The following LSAMP variants were observed in gnomAD, a reference collection of about 807,000 sequenced individuals.
The protein encoded by LSAMP is limbic system associated membrane protein, also known as limbic system-associated membrane protein.
Under a neutral mutation model 38.6 loss-of-function variants are expected in LSAMP, and 7 were observed. That is an observed-to-expected ratio of 0.18 (90% CI 0.10 to 0.34). The LOEUF is 0.34. Among genes scored for constraint, LSAMP ranks in the 10% least tolerant of loss-of-function variants. The pLI, the probability that LSAMP is intolerant of heterozygous loss-of-function variation, is 1.00. For missense variants in LSAMP, 313 were observed against 420.0 expected, an observed-to-expected ratio of 0.75 and a Z score of 2.23; for synonymous variants, 154 against 166.8, an observed-to-expected ratio of 0.92 and a Z score of 0.59.
At chr3:115,909,246 A>G (rs1470349896) in intron 3 of LSAMP, among the ~76,000 whole-genome samples, 1 of 152,122 alleles carries the variant, frequency 6.6e-6, no homozygotes, top group Non-Finnish European at 1.5e-5. Context: ...CCACGTTTTG[A>G]TTCTAGAGTT....
At chr3:115,816,631 A>C in intron 6 of LSAMP, 1 of 1,287,314 alleles carries the variant, frequency 7.8e-7, no homozygotes, top group African/African-American at 1.5e-5. Context: ...CTTGAAGTGC[A>C]CGGTGGTACC....
intron 1 of LSAMP, among the ~76,000 whole-genome samples, chr3:116,373,821 C>T (rs559045899): frequency 1.3e-5 from 2 of 151,852 alleles, no homozygotes; most frequent in Non-Finnish European, 2.9e-5. Flanking sequence ...TTCCCACACA[C>T]CCCAAAGCAA....
intron 2 of LSAMP, among the ~76,000 whole-genome samples, chr3:116,057,951 A>C (rs577265248): frequency 0.082 from 9,434 of 115,228 alleles, 936 homozygotes; most frequent in African/African-American, 0.26. Flanking sequence ...ACACACACAC[A>C]CACACCCACA....
intron 3 of LSAMP, among the ~76,000 whole-genome samples, chr3:115,914,195 C>T (rs1452877356): frequency 5.3e-5 from 8 of 152,278 alleles, no homozygotes; most frequent in Non-Finnish European, 5.9e-5. Flanking sequence ...GCCCTCTTTG[C>T]GTCGATGTTG....
At chr3:115,933,552 T>C (rs1937615396) in intron 3 of LSAMP, among the ~76,000 whole-genome samples, 3 of 152,194 alleles carry the variant, frequency 2.0e-5, no homozygotes, top group Non-Finnish European at 2.9e-5. Context: ...ACCCGTAACA[T>C]GAGCAGGCAC....
intron 1 of LSAMP, among the ~76,000 whole-genome samples, chr3:116,159,473 T>C (rs1709831172): frequency 6.6e-6 from 1 of 152,104 alleles, no homozygotes; most frequent in South Asian, 2.1e-4. Context: ...AAATAAGACA[T>C]ATATGTGGCC....
intron 3 of LSAMP, among the ~76,000 whole-genome samples, chr3:115,885,472 G>A (rs918430395): frequency 6.6e-6 from 1 of 151,900 alleles, no homozygotes; most frequent in African/African-American, 2.4e-5. Context: ...TAGAAGACTA[G>A]TGGGGAAGCT....
chr3:116,331,009 T>G (rs969451333), intron 1 of LSAMP, among the ~76,000 whole-genome samples: 1 of 152,006 alleles, frequency 6.6e-6, no homozygotes, highest in African/African-American at 2.4e-5. Flanking sequence ...TTTAGGAAGA[T>G]GTGGAGAAAG....
intron 3 of LSAMP, among the ~76,000 whole-genome samples, chr3:115,856,910 T>C (rs1389099709): frequency 6.6e-6 from 1 of 152,240 alleles, no homozygotes; most frequent in Non-Finnish European, 1.5e-5. Flanking sequence ...AGAGTCATTG[T>C]CAGCACTTCA....
chr3:116,047,906 C>T (rs143109349), intron 2 of LSAMP, among the ~76,000 whole-genome samples: 308 of 152,254 alleles, frequency 2.0e-3, no homozygotes, highest in African/African-American at 7.3e-3. Context: ...ACTTAACATC[C>T]ACTATCTTTG....
chr3:116,077,466 A>G (rs765810882), intron 2 of LSAMP, among the ~76,000 whole-genome samples: 1 of 152,062 alleles, frequency 6.6e-6, no homozygotes, highest in Non-Finnish European at 1.5e-5. Context: ...AGTATATTTT[A>G]TTCATACATT....
Position 115,852,632 on chromosome 3 carries a change from T to C in LSAMP, c.515-15A>G. ...AAATTCCCTTCCTGAAAAACAGAGG[T>C]TTTCATGATTCTTTTTTAAAGTCTG... is the stretch of plus-strand genomic sequence containing the variant. On this transcript the variant is annotated splice_polypyrimidine_tract_variant and intron_variant, in intron 3 of 6. Coordinates refer to ENST00000490035, the MANE Select transcript of LSAMP (RefSeq NM_002338.5). 6.2e-7 allele frequency: 1 copy of C among 1,604,058 alleles called. No homozygotes were observed. Among genetic ancestry groups the C allele is most frequent in the East Asian group, 2.2e-5 (1 of 44,530 alleles).
intron 1 of LSAMP, among the ~76,000 whole-genome samples, chr3:116,197,360 C>A (rs188005233): frequency 1.1e-4 from 16 of 152,162 alleles, no homozygotes; most frequent in Admixed American, 1.0e-3. Context: ...TCAGATGGAG[C>A]CAGCTGCTTC....
intron 1 of LSAMP, among the ~76,000 whole-genome samples, chr3:116,219,749 AG>A (rs1559787787): frequency 1.3e-5 from 2 of 152,234 alleles, no homozygotes; most frequent in African/African-American, 4.8e-5. Flanking sequence ...AAAATATATA[AG>A]AAACTAATAC....
intron 3 of LSAMP, among the ~76,000 whole-genome samples, chr3:116,007,169 G>A (rs770154256): frequency 2.0e-5 from 3 of 152,096 alleles, no homozygotes; most frequent in Admixed American, 6.5e-5. Flanking sequence ...AGACAAAGCC[G>A]CAATCTTGTG....
chr3:116,258,112 T>C (rs1487890867), intron 1 of LSAMP, among the ~76,000 whole-genome samples: 1 of 152,144 alleles, frequency 6.6e-6, no homozygotes, highest in African/African-American at 2.4e-5. Flanking sequence ...CTTGTTTTCT[T>C]GTTCTTTATC....
At chr3:116,208,598 T>C (rs1417133459) in intron 1 of LSAMP, among the ~76,000 whole-genome samples, 1 of 152,218 alleles carries the variant, frequency 6.6e-6, no homozygotes, top group African/African-American at 2.4e-5. Flanking sequence ...GTCCTTTCTA[T>C]TTGTTAGTTT....
intron 1 of LSAMP, among the ~76,000 whole-genome samples, chr3:116,366,444 G>C (rs932731942): frequency 6.6e-6 from 1 of 152,006 alleles, no homozygotes; most frequent in Non-Finnish European, 1.5e-5. Context: ...TCCAAGCATA[G>C]GTATAGTCTT....
intron 1 of LSAMP, among the ~76,000 whole-genome samples, chr3:116,265,996 G>A (rs2046886845): frequency 6.6e-6 from 1 of 152,082 alleles, no homozygotes; most frequent in Non-Finnish European, 1.5e-5. Context: ...TGAGAATGGG[G>A]GAGGAAAGAT....
Sources: allele counts gnomAD v4.1 joint callset (sites outside exome capture counted in the v4.1 genomes callset), GRCh38; gene constraint gnomAD v4.1.1; transcripts MANE v1.5; gene names NCBI Gene and HGNC (gene_info 2026-07-23, HGNC 2026-07-21).